Variants in KRIT1 observed in about 807,000 individuals in gnomAD.
KRIT1 encodes the protein KRIT1 ankyrin repeat containing, also known as krev interaction trapped protein 1.
Under a neutral mutation model 95.8 loss-of-function variants are expected in KRIT1, and 45 were observed. The ratio of observed to expected loss-of-function variants is 0.47; its 90% CI spans 0.37 to 0.60. The LOEUF (loss-of-function observed/expected upper bound fraction) is 0.60. Among genes scored for constraint, KRIT1 ranks in the 20% least tolerant of loss-of-function variants. The probability of loss-of-function intolerance (pLI) is 0.00; values close to 1 mark genes in which losing one functional copy is unlikely to be tolerated. For synonymous variants in KRIT1, 282 were observed against 278.8 expected (o/e 1.01, Z -0.11); for missense variants, 788 against 877.5 (o/e 0.90, Z 1.29).
chr7:92,215,247 G>T (rs1584811131), intron 14 of KRIT1, among the ~76,000 whole-genome samples: 1 of 152,006 alleles, frequency 6.6e-6, no homozygotes, highest in African/African-American at 2.4e-5. Flanking sequence ...TTATAAATAT[G>T]GATAATTTTT....
At chr7:92,215,736 G>A (rs886952532) in intron 14 of KRIT1, among the ~76,000 whole-genome samples, 2 of 150,904 alleles carry the variant, frequency 1.3e-5, no homozygotes, top group Admixed American at 6.6e-5. Context: ...GACTACAGGT[G>A]TTAGCCACTG....
At chr7:92,208,888 C>CA (rs58650580) in intron 17 of KRIT1, among the ~76,000 whole-genome samples, 152,143 of 152,156 alleles carry the variant, frequency 1, 76,065 homozygotes, top group Middle Eastern at 1. Flanking sequence ...AAGGACACAA[C>CA]AAAAAAGAAA....
chr7:92,214,557 G>T, intron 15 of KRIT1, 54 bp downstream of exon 15: 1 of 1,349,618 alleles, frequency 7.4e-7, no homozygotes, highest in South Asian at 1.2e-5. Flanking sequence ...AACTTTCTTG[G>T]TTAAACAGAA....
chr7:92,222,670 C>G, intron 13 of KRIT1, 152 bp downstream of exon 13: 1 of 616,442 alleles, frequency 1.6e-6, no homozygotes, highest in African/African-American at 1.8e-5. Context: ...CCTGTTTCAG[C>G]AGTTTGAACA....
chr7:92,237,441 T>A (rs988362984), intron 6 of KRIT1, among the ~76,000 whole-genome samples: 1 of 152,088 alleles, frequency 6.6e-6, no homozygotes, highest in East Asian at 1.9e-4. Flanking sequence ...CATTTCTTCA[T>A]CCTTTTAAAA....
chr7:92,245,663 C>G (rs1800813317), intron 1 of KRIT1, 127 bp downstream of exon 1: 1 of 152,584 alleles, frequency 6.6e-6, no homozygotes, highest in Non-Finnish European at 1.5e-5. Flanking sequence ...GGCACAGCAG[C>G]CCGGCCCAGC....
chr7:92,233,557 C>G (rs1052001019), intron 10 of KRIT1, among the ~76,000 whole-genome samples: 1 of 151,938 alleles, frequency 6.6e-6, no homozygotes, highest in Non-Finnish European at 1.5e-5. Flanking sequence ...CAGGCGTGCA[C>G]CACCACGCCC....
intron 10 of KRIT1, among the ~76,000 whole-genome samples, chr7:92,233,410 T>G (rs961073922): frequency 1.6e-3 from 100 of 60,762 alleles, no homozygotes; most frequent in Middle Eastern, 8.2e-3. Flanking sequence ...AATGTGGTAC[T>G]TTTTTTTTTT....
intron 13 of KRIT1, 69 bp from the exon 14 acceptor site, chr7:92,222,122 G>A: frequency 8.5e-7 from 1 of 1,173,442 alleles, no homozygotes; most frequent in East Asian, 2.3e-5. Flanking sequence ...TAGAAACTTT[G>A]TATTAAACTG....
At chr7:92,222,726 T>A in intron 13 of KRIT1, 96 bp downstream of exon 13, 1 of 761,534 alleles carries the variant, frequency 1.3e-6, no homozygotes, top group South Asian at 1.5e-5. Context: ...ATTTCAAAAT[T>A]TAAGAGTCAA....
chr7:92,220,313 A>G (rs1794873122), intron 14 of KRIT1, among the ~76,000 whole-genome samples: 2 of 152,126 alleles, frequency 1.3e-5, no homozygotes, highest in Admixed American at 1.3e-4. Flanking sequence ...CTTTCATTCT[A>G]TTAATGTGAT....
intron 7 of KRIT1, chr7:92,235,847 A>G: frequency 4.0e-6 from 2 of 495,284 alleles, no homozygotes; most frequent in South Asian, 4.5e-5. Flanking sequence ...AAAAACATGC[A>G]TAATACTGTA....
chr7:92,246,048 CGACTAGGA>C, upstream of KRIT1: 1 of 268,340 alleles, frequency 3.7e-6, no homozygotes, highest in Non-Finnish European at 7.3e-6. Flanking sequence ...TGGTGGCAGG[CGACTAGGA>C]GACTAGGGTG....
chr7:92,214,927 G>A (rs1793639781), intron 14 of KRIT1, 150 bp from the exon 15 acceptor site: 1 of 642,074 alleles, frequency 1.6e-6, no homozygotes, highest in Non-Finnish European at 2.7e-6. Flanking sequence ...TTTTATTAAG[G>A]CCCAGAGAGT....
chr7:92,213,315 A>G lies in KRIT1; in HGVS notation c.1905T>C (p.Tyr635=), dbSNP rs140072597. The change falls in exon 17 of 19, where the codon TAT becomes TAC. Residue 635 remains tyrosine, a synonymous_variant. Coordinates refer to ENST00000394505, the MANE Select transcript of KRIT1 (RefSeq NM_194454.3). ...FLQNCWEIPT[Y]GAAFFTGQIF... is the part of the protein sequence containing the mutation. ...TCTGTCCTGTGAAAAATGCTGCTCCATAAGTAGGAATTTCCCAGCAATTCT... is the reference window on the plus strand; with the variant it reads ...TCTGTCCTGTGAAAAATGCTGCTCCGTAAGTAGGAATTTCCCAGCAATTCT... 1.1e-5 allele frequency: 18 copies of G among 1,613,500 alleles called. 1 individual carries two copies. The South Asian group carries it at 1.2e-4, about 11-fold the overall frequency.
rs1290229108 is a variant in KRIT1 at position 92,199,809 on chromosome 7, A to T, written c.*927T>A. 1 of 152,210 alleles carries T rather than the reference A, an allele frequency of 6.6e-6. No individual in the cohort carries two copies. The highest frequency in any genetic ancestry group is 1.5e-5 in the Non-Finnish European group (1 of 68,036). The allele number at this position is 152,210 out of a possible 1,614,324, so 9.4% of individuals were successfully genotyped here. ...GTTCACAAGGCCATGCTACTTCCAG[A>T]GAGTGAATGCCCTTGTTTAGAATGG... On this transcript the variant is annotated 3_prime_UTR_variant, in exon 19 of 19. Transcript: ENST00000394505.
At chr7:92,237,839 G>GAT (rs373091590) in intron 5 of KRIT1, 80 bp from the exon 6 acceptor site, 1 of 774,570 alleles carries the variant, frequency 1.3e-6, no homozygotes, top group African/African-American at 1.7e-5. Flanking sequence ...TTAGAAAACA[G>GAT]ATACTTTAAA....
At chr7:92,218,287 C>T (rs1794412496) in intron 14 of KRIT1, among the ~76,000 whole-genome samples, 1 of 151,760 alleles carries the variant, frequency 6.6e-6, no homozygotes, top group Non-Finnish European at 1.5e-5. Flanking sequence ...TCTCACTATG[C>T]AGCCAGGCTG....
rs543901067 is a variant in KRIT1, at chr7:92,243,607, G to A, written c.-3+395C>T. 5.9e-5 allele frequency among the ~76,000 whole-genome samples: 9 copies of A among 152,184 alleles called. No individual in the cohort carries two copies. In the South Asian group the frequency reaches 1.9e-3, roughly 32 times the overall value. On this transcript the variant is annotated intron_variant, in intron 3 of 18. Coordinates refer to ENST00000394505, the MANE Select transcript of KRIT1 (RefSeq NM_194454.3). Reference sequence around the variant, plus strand: ...CCACTGCAACTGAAAATGTCACTCTGTAACTTTTAATTCACTTCCCTAAAT... The same window carrying A: ...CCACTGCAACTGAAAATGTCACTCTATAACTTTTAATTCACTTCCCTAAAT...
Sources: allele counts gnomAD v4.1 joint callset (sites outside exome capture counted in the v4.1 genomes callset), GRCh38; gene constraint gnomAD v4.1.1; transcripts MANE v1.5; gene names NCBI Gene and HGNC (gene_info 2026-07-23, HGNC 2026-07-21).